Variants in TRIM32 observed in about 807,000 individuals in gnomAD.
The protein encoded by TRIM32 is tripartite motif containing 32.
In TRIM32, 19 loss-of-function variants were observed where a neutral mutation model predicts 36.0. That is an observed-to-expected ratio of 0.53 (90% CI 0.37 to 0.77). TRIM32 has a LOEUF of 0.77. Among genes scored for constraint, TRIM32 ranks in the 30% least tolerant of loss-of-function variants. The pLI is 0.00. For synonymous variants in TRIM32, 309 were observed against 318.5 expected (o/e 0.97, Z 0.32); for missense variants, 747 against 845.2 (o/e 0.88, Z 1.44).
Position 116,697,697 on chromosome 9 carries a change from T to C in TRIM32, c.-46T>C. On this transcript the variant is annotated 5_prime_UTR_variant, in exon 2 of 2. Coordinates refer to ENST00000450136, the MANE Select transcript of TRIM32 (RefSeq NM_012210.4). ...ACCCTCTAGGGCATGAATACTGTGC[T>C]GTTCAGTTCTGAGCTGTGCTAGCAA... The C allele has an allele frequency of 6.2e-7, 1 of 1,611,640 alleles. No individual in the cohort carries two copies. Among genetic ancestry groups the C allele is most frequent in the Non-Finnish European group, 8.5e-7 (1 of 1,179,716 alleles).
Position 116,698,789 on chromosome 9 carries a change from C to T in TRIM32, c.1047C>T (p.Ala349=). The T allele has an allele frequency of 1.9e-6, 3 of 1,614,190 alleles. No homozygotes were observed. Among genetic ancestry groups the T allele is most frequent in the Non-Finnish European group, 2.5e-6 (3 of 1,180,036 alleles). ...SPAKQRGPEA[A]SNIQQCLFLK... ...CTAAACAGCGGGGTCCTGAGGCAGC[C>T]TCCAATATCCAGCAGTGCCTCTTTC... The change falls in exon 2 of 2, where the codon GCC becomes GCT. Residue 349 remains alanine (A), a synonymous_variant. Transcript: ENST00000450136. This position sits in a 1 kb window ranked among gnomAD's most constrained non-coding sequence, Gnocchi z 4.4.
Position 116,699,664 on chromosome 9 carries a change from A to T in TRIM32, c.1922A>T (p.Lys641Met). Residue 641 changes from lysine to methionine, a missense_variant, in exon 2 of 2, where the codon AAG becomes ATG. Coordinates refer to ENST00000450136, the MANE Select transcript of TRIM32 (RefSeq NM_012210.4). The surrounding 1 kb of genome is among the most constrained non-coding windows in gnomAD (Gnocchi z 4.2). The part of the protein sequence containing the change: ...LVLDCWDHCI[K>M]IYSYHLRRYS... ...TTGGACTGTTGGGATCATTGCATCA[A>T]GATCTACAGCTACCATCTGAGAAGA... The T allele has an allele frequency of 6.2e-7, 1 of 1,614,202 alleles. No individual in the cohort carries two copies. Among genetic ancestry groups the T allele is most frequent in the Non-Finnish European group, 8.5e-7 (1 of 1,180,028 alleles).
In TRIM32 at chr9:116,700,131, A is replaced by T; in HGVS notation, c.*427A>T. ...CTTCATCTGTGACACTTTCTCTTGAACTCTGATTGGATTCACTGTGCATGC... is the reference window on the plus strand; with the variant it reads ...CTTCATCTGTGACACTTTCTCTTGATCTCTGATTGGATTCACTGTGCATGC... On this transcript the variant is annotated 3_prime_UTR_variant, in exon 2 of 2. Transcript: ENST00000450136. 4.1e-6 allele frequency: 1 copy of T among 245,070 alleles called. No homozygotes were observed. Among genetic ancestry groups the T allele is most frequent in the Non-Finnish European group, 8.6e-6 (1 of 116,860 alleles). 15.2% of individuals were successfully genotyped at this position (245,070 alleles called of 1,614,324 possible).
chr9:116,699,265 G>C lies in TRIM32; in HGVS notation c.1523G>C (p.Ser508Thr). Reference sequence around the variant, plus strand: ...CGAGGATCAGGGGTGGTCAAATACAGCTGCCTATGTAGTGCTGTGCGGCCC... The same window carrying C: ...CGAGGATCAGGGGTGGTCAAATACACCTGCCTATGTAGTGCTGTGCGGCCC... Reference protein sequence around the residue: ...VDRGSGVVKYSCLCSAVRPKF... With the variant: ...VDRGSGVVKYTCLCSAVRPKF... Residue 508 changes from serine (S) to threonine (T), a missense_variant, in exon 2 of 2, where the codon AGC becomes ACC. Transcript: ENST00000450136. The surrounding 1 kb of genome is among the most constrained non-coding windows in gnomAD (Gnocchi z 4.2). The C allele has an allele frequency of 6.2e-7, 1 of 1,614,216 alleles. No individual in the cohort carries two copies. Among genetic ancestry groups the C allele is most frequent in the Non-Finnish European group, 8.5e-7 (1 of 1,180,046 alleles).
At chr9:116,689,189 T>A (rs961939748) in intron 1 of TRIM32, among the ~76,000 whole-genome samples, 6 of 152,332 alleles carry the variant, frequency 3.9e-5, no homozygotes, top group Non-Finnish European at 5.9e-5. Context: ...TCAGATACCC[T>A]GGGTTCAAGT....
chr9:116,698,349 C>G lies in TRIM32; in HGVS notation c.607C>G (p.Arg203Gly), dbSNP rs376007099. The change falls in exon 2 of 2, where the codon CGG becomes GGG. Residue 203 changes from arginine (R) to glycine (G), a missense_variant. Transcript: ENST00000450136. The surrounding 1 kb of genome is among the most constrained non-coding windows in gnomAD (Gnocchi z 4.4). ...RRVQDELARS[R>G]KFFTGSLAEV... is the part of the protein sequence containing the mutation. ...GGTCCAGGATGAGCTGGCTCGCTCTCGGAAGTTCTTCACAGGCTCTTTGGC... is the reference window on the plus strand; with the variant it reads ...GGTCCAGGATGAGCTGGCTCGCTCTGGGAAGTTCTTCACAGGCTCTTTGGC... 1 of 1,613,988 alleles carries G rather than the reference C, an allele frequency of 6.2e-7. No homozygotes were observed. Among genetic ancestry groups the G allele is most frequent in the Non-Finnish European group, 8.5e-7 (1 of 1,180,034 alleles).
chr9:116,693,868 C>T (rs572604510), intron 1 of TRIM32, among the ~76,000 whole-genome samples: 321 of 152,250 alleles, frequency 2.1e-3, no homozygotes, highest in Non-Finnish European at 3.4e-3. Flanking sequence ...CAGTAATGAC[C>T]AGATGTGCCC....
chr9:116,697,332 A>C lies in TRIM32; in HGVS notation c.-81-330A>C, dbSNP rs1188159900. 9 of 227,052 alleles carry C rather than the reference A, an allele frequency of 4.0e-5. No homozygotes were observed. In the East Asian group the frequency reaches 8.7e-4, roughly 22 times the overall value. The allele number at this position is 227,052 out of a possible 1,614,324, so 14.1% of individuals were successfully genotyped here. ...TATCTTGTTACTTAGCCCTTATAAT[A>C]ACCATATAAGGCAGACACCATTATT... On this transcript the variant is annotated intron_variant, in intron 1 of 1. Coordinates refer to ENST00000450136, the MANE Select transcript of TRIM32 (RefSeq NM_012210.4).
Position 116,697,674 on chromosome 9 carries a change from C to A in TRIM32, c.-69C>A. The A allele has an allele frequency of 1.9e-6, 3 of 1,593,548 alleles. No individual in the cohort carries two copies. The highest frequency in any genetic ancestry group is 2.2e-5 in the South Asian group (2 of 89,808). On this transcript the variant is annotated 5_prime_UTR_variant, in exon 2 of 2. Coordinates refer to ENST00000450136, the MANE Select transcript of TRIM32 (RefSeq NM_012210.4). Reference sequence around the variant, plus strand: ...TTTTTCTCTTTAGCAGGAATTTGACCCTCTAGGGCATGAATACTGTGCTGT... The same window carrying A: ...TTTTTCTCTTTAGCAGGAATTTGACACTCTAGGGCATGAATACTGTGCTGT...
In TRIM32 at chr9:116,700,120, C is replaced by T. The variant is rs1162929536; in HGVS notation, c.*416C>T. 3.8e-6 allele frequency: 1 copy of T among 262,560 alleles called. No homozygotes were observed. Among genetic ancestry groups the T allele is most frequent in the East Asian group, 1.1e-4 (1 of 9,084 alleles). The allele number at this position is 262,560 out of a possible 1,614,324, so 16.3% of individuals were successfully genotyped here. A position where few individuals can be genotyped will look rare whatever the true frequency, so the allele number is the denominator to read the frequency against. ...ACTATAATGTGCTTCATCTGTGACA[C>T]TTTCTCTTGAACTCTGATTGGATTC... On this transcript the variant is annotated 3_prime_UTR_variant, in exon 2 of 2. Transcript: ENST00000450136.
intron 1 of TRIM32, among the ~76,000 whole-genome samples, chr9:116,688,343 G>T (rs901394810): frequency 1.3e-5 from 2 of 152,084 alleles, no homozygotes; most frequent in Non-Finnish European, 2.9e-5. Context: ...ACCCTGAGTA[G>T]ATTTGTGGAT....
chr9:116,697,549 G>A, intron 1 of TRIM32, 113 bp from the exon 2 acceptor site: 1 of 701,190 alleles, frequency 1.4e-6, no homozygotes, highest in Non-Finnish European at 2.3e-6. Context: ...TAAAATAGTT[G>A]TTAAGTAAGG....
At chr9:116,695,639 C>G (rs906401194) in intron 1 of TRIM32, among the ~76,000 whole-genome samples, 25 of 152,180 alleles carry the variant, frequency 1.6e-4, no homozygotes, top group Non-Finnish European at 2.2e-4. Context: ...ATCTGCAGAT[C>G]ACAAGACTGC....
In TRIM32 at chr9:116,698,182, G is replaced by C. The variant is rs552938001; in HGVS notation, c.440G>C (p.Arg147Pro). 6.2e-7 allele frequency: 1 copy of C among 1,614,126 alleles called. No individual in the cohort carries two copies. The highest frequency in any genetic ancestry group is 8.5e-7 in the Non-Finnish European group (1 of 1,180,042). Residue 147 changes from arginine to proline, a missense_variant, in exon 2 of 2, where the codon CGG becomes CCG. By Grantham distance (103) the Arg-to-Pro change is moderately radical. Coordinates refer to ENST00000450136, the MANE Select transcript of TRIM32 (RefSeq NM_012210.4). The surrounding 1 kb of genome is among the most constrained non-coding windows in gnomAD (Gnocchi z 4.4). ...AAAGAAGCAGCTGAGGAGCGGCGTCGGGACTTTGGAGAGAAGTTAACTCGT... is the reference window on the plus strand; with the variant it reads ...AAAGAAGCAGCTGAGGAGCGGCGTCCGGACTTTGGAGAGAAGTTAACTCGT... Reference protein sequence around the residue: ...PVKEAAEERRRDFGEKLTRLR... With the variant: ...PVKEAAEERRPDFGEKLTRLR...
chr9:116,697,353 T>G, intron 1 of TRIM32: 1 of 274,570 alleles, frequency 3.6e-6, no homozygotes, highest in Non-Finnish European at 7.1e-6. Flanking sequence ...GCAGACACCA[T>G]TATTACTTCT....
At chr9:116,697,174 T>C (rs1405431624) in intron 1 of TRIM32, among the ~76,000 whole-genome samples, 1 of 152,220 alleles carries the variant, frequency 6.6e-6, no homozygotes, top group East Asian at 1.9e-4. Context: ...TTACTGTGCA[T>C]AATTCTCCTG....
intron 1 of TRIM32, 38 bp from the exon 2 acceptor site, chr9:116,697,624 T>A: frequency 7.7e-7 from 1 of 1,292,204 alleles, no homozygotes; most frequent in Non-Finnish European, 1.1e-6. Context: ...ATTTATATAG[T>A]CAGAGGAAAA....
chr9:116,695,655 T>TA (rs1277782559), intron 1 of TRIM32, among the ~76,000 whole-genome samples: 1 of 152,204 alleles, frequency 6.6e-6, no homozygotes, highest in Non-Finnish European at 1.5e-5. Flanking sequence ...ACTGCACAGA[T>TA]ACAGCTGTAG....
chr9:116,698,988 A>C lies in TRIM32; in HGVS notation c.1246A>C (p.Ser416Arg). 6.2e-7 allele frequency: 1 copy of C among 1,614,156 alleles called. No homozygotes were observed. The highest frequency in any genetic ancestry group is 8.5e-7 in the Non-Finnish European group (1 of 1,180,012). ...CCGCCGCAGCCCCAGTGGCATTGAT[A>C]GCTTTGTGCTAAGCTTCCTTGGGGC... ...EIRRSPSGIDSFVLSFLGADL... is the reference protein window; with the variant it reads ...EIRRSPSGIDRFVLSFLGADL... Residue 416 changes from serine (S) to arginine (R), a missense_variant, in exon 2 of 2, where the codon AGC (serine) becomes CGC (arginine). Physicochemically the swap from Ser to Arg is moderately radical, Grantham distance 110. Transcript: ENST00000450136. This position sits in a 1 kb window ranked among gnomAD's most constrained non-coding sequence, Gnocchi z 4.4.
Sources: allele counts gnomAD v4.1 joint callset (sites outside exome capture counted in the v4.1 genomes callset), GRCh38; gene constraint gnomAD v4.1.1; non-coding constraint Gnocchi (gnomAD v3.1); transcripts MANE v1.5; gene names NCBI Gene and HGNC (gene_info 2026-07-23, HGNC 2026-07-21).